The following SMAD6 variants were observed in gnomAD, a reference collection of about 807,000 sequenced individuals.
SMAD6 encodes MAD homolog 6.
Under a neutral mutation model 39.4 loss-of-function variants are expected in SMAD6, and 103 were observed. The observed-to-expected ratio is 2.62, with a 90% CI of 2.23 to 3.08. The LOEUF (loss-of-function observed/expected upper bound fraction) is 3.08. Among genes scored for constraint, SMAD6 ranks in the 30% most tolerant of loss-of-function variants. SMAD6 has a pLI of 0.00. For missense variants in SMAD6, 1,104 were observed against 742.9 expected (o/e 1.49, Z -5.65); for synonymous variants, 445 against 353.3 (o/e 1.26, Z -2.91).
intron 3 of SMAD6, among the ~76,000 whole-genome samples, chr15:66,725,313 C>A (rs920961773): frequency 5.9e-5 from 9 of 152,216 alleles, no homozygotes; most frequent in Non-Finnish European, 1.3e-4. Flanking sequence ...CTGGCACCCC[C>A]TGCCAGAAAG....
chr15:66,727,203 AGTG>A (rs1893537827), intron 3 of SMAD6, among the ~76,000 whole-genome samples: 1 of 151,904 alleles, frequency 6.6e-6, no homozygotes, highest in Non-Finnish European at 1.5e-5. Flanking sequence ...GCCAGGTTCA[AGTG>A]ATTCTCCTCT....
chr15:66,779,287 C>A (rs183138050), intron 3 of SMAD6, among the ~76,000 whole-genome samples: 2 of 152,306 alleles, frequency 1.3e-5, no homozygotes, highest in East Asian at 3.9e-4. Context: ...GGATGCAGGA[C>A]CTCTTCCTCC....
At chr15:66,756,543 G>A (rs1403221288) in intron 3 of SMAD6, among the ~76,000 whole-genome samples, 1 of 152,208 alleles carries the variant, frequency 6.6e-6, no homozygotes, top group East Asian at 1.9e-4. Flanking sequence ...CACTGGCGCT[G>A]CCATGCCAAC....
intron 3 of SMAD6, among the ~76,000 whole-genome samples, chr15:66,732,937 T>G (rs1893655406): frequency 6.6e-6 from 1 of 152,124 alleles, no homozygotes; most frequent in South Asian, 2.1e-4. Flanking sequence ...TCTAGAAGTT[T>G]TATAGTTTTA....
intron 3 of SMAD6, chr15:66,717,398 T>C (rs917034093): frequency 2.2e-5 from 10 of 456,038 alleles, no homozygotes; most frequent in African/African-American, 2.0e-4. Context: ...TGGCCGGCAC[T>C]CCACTTGGCC....
intron 3 of SMAD6, among the ~76,000 whole-genome samples, chr15:66,761,227 T>A (rs1216655924): frequency 1.3e-5 from 2 of 152,164 alleles, no homozygotes; most frequent in African/African-American, 4.8e-5. Context: ...CTGTCCCTCC[T>A]GCCCCACCCC....
intron 3 of SMAD6, among the ~76,000 whole-genome samples, chr15:66,767,318 G>C (rs907864690): frequency 1.3e-5 from 2 of 152,204 alleles, no homozygotes; most frequent in African/African-American, 4.8e-5. Context: ...TGGGAACCAA[G>C]CTTGGCCTCC....
At chr15:66,777,525 C>T (rs189985930) in intron 3 of SMAD6, among the ~76,000 whole-genome samples, 1 of 152,324 alleles carries the variant, frequency 6.6e-6, no homozygotes, top group Admixed American at 6.5e-5. Context: ...TGATGTACAT[C>T]GCAGTCCCAG....
chr15:66,770,827 C>T (rs1023879378), intron 3 of SMAD6, among the ~76,000 whole-genome samples: 1 of 152,214 alleles, frequency 6.6e-6, no homozygotes, highest in Admixed American at 6.5e-5. Flanking sequence ...CCCTGCCTTG[C>T]TTGCCAGGTG....
intron 3 of SMAD6, among the ~76,000 whole-genome samples, chr15:66,735,687 G>C (rs1893700938): frequency 1.3e-5 from 2 of 152,152 alleles, no homozygotes; most frequent in African/African-American, 4.8e-5. Context: ...CTGGGGACGT[G>C]GAGAGGGAAC....
chr15:66,710,857 C>T (rs527865551), intron 1 of SMAD6, among the ~76,000 whole-genome samples: 138 of 152,312 alleles, frequency 9.1e-4, no homozygotes, highest in African/African-American at 3.2e-3. Flanking sequence ...TTGTGTTCCA[C>T]CCCTGTCCTT....
At chr15:66,708,517 C>T (rs1893164297) in intron 1 of SMAD6, among the ~76,000 whole-genome samples, 1 of 152,206 alleles carries the variant, frequency 6.6e-6, no homozygotes, top group Admixed American at 6.5e-5. Flanking sequence ...AGGAAGCAAC[C>T]CAAATGTCCA....
chr15:66,710,119 T>C (rs1194609381), intron 1 of SMAD6, among the ~76,000 whole-genome samples: 2 of 152,186 alleles, frequency 1.3e-5, no homozygotes, highest in Non-Finnish European at 2.9e-5. Flanking sequence ...AGCTCCACCA[T>C]GACTGGCTCG....
intron 2 of SMAD6, among the ~76,000 whole-genome samples, chr15:66,713,199 T>A (rs1383282487): frequency 6.6e-6 from 1 of 152,138 alleles, no homozygotes; most frequent in Non-Finnish European, 1.5e-5. Context: ...GCTTTAAAAG[T>A]CAGATGGCGT....
chr15:66,736,859 G>A (rs540182374), intron 3 of SMAD6, among the ~76,000 whole-genome samples: 4 of 152,050 alleles, frequency 2.6e-5, no homozygotes, highest in Non-Finnish European at 5.9e-5. Flanking sequence ...TAGTAGAGAC[G>A]GGGTTTCACC....
At chr15:66,717,624 C>A in intron 3 of SMAD6, 1 of 373,616 alleles carries the variant, frequency 2.7e-6, no homozygotes, top group South Asian at 2.0e-5. Flanking sequence ...TTTCCCCAGC[C>A]CAGAGCCTTT....
intron 1 of SMAD6, among the ~76,000 whole-genome samples, chr15:66,709,763 C>A (rs781413791): frequency 1.3e-5 from 2 of 152,198 alleles, no homozygotes; most frequent in Non-Finnish European, 2.9e-5. Context: ...ACTCACCAGG[C>A]CACAGTCTCC....
intron 3 of SMAD6, among the ~76,000 whole-genome samples, chr15:66,780,381 C>T (rs7165807): frequency 0.1 from 15,269 of 152,068 alleles, 1,043 homozygotes; most frequent in African/African-American, 0.19. Context: ...CCCCAGCCCG[C>T]CTCCCTGTGC....
At chr15:66,726,778 C>T (rs1220577386) in intron 3 of SMAD6, among the ~76,000 whole-genome samples, 1 of 152,172 alleles carries the variant, frequency 6.6e-6, no homozygotes, top group Non-Finnish European at 1.5e-5. Context: ...ATCATTGGTT[C>T]TCCACCCTCT....
Sources: allele counts gnomAD v4.1 joint callset (sites outside exome capture counted in the v4.1 genomes callset), GRCh38; gene constraint gnomAD v4.1.1; transcripts MANE v1.5; gene names NCBI Gene and HGNC (gene_info 2026-07-23, HGNC 2026-07-21).